The following SEMA5A variants were observed in gnomAD, a reference collection of about 807,000 sequenced individuals.
The protein encoded by SEMA5A is semaphorin 5A.
A neutral mutation model predicts 135.5 loss-of-function variants in SEMA5A; 55 were observed. The observed-to-expected ratio is 0.41, with a 90% confidence interval of 0.33 to 0.51. The LOEUF is 0.51. Ranked by LOEUF, SEMA5A falls within the 20% of genes least tolerant of loss-of-function variation. The pLI is 0.37. For missense variants in SEMA5A, 1,290 were observed against 1,419.9 expected, an observed-to-expected ratio of 0.91 and a Z score of 1.47; for synonymous variants, 580 against 546.5, an observed-to-expected ratio of 1.06 and a Z score of -0.85.
At chr5:9,341,763 G>T (rs1579376516) in intron 3 of SEMA5A, among the ~76,000 whole-genome samples, 1 of 149,960 alleles carries the variant, frequency 6.7e-6, no homozygotes, top group Non-Finnish European at 1.5e-5. Flanking sequence ...AATATTTGAG[G>T]TTAACTATCC....
chr5:9,066,759 C>T (rs1028480611), intron 16 of SEMA5A, 113 bp from the exon 17 acceptor site: 6 of 809,660 alleles, frequency 7.4e-6, no homozygotes, highest in Admixed American at 2.3e-5. Flanking sequence ...GCTCCTAAGA[C>T]ACTCACAGCT....
chr5:9,475,846 C>T (rs1014821468), intron 1 of SEMA5A, among the ~76,000 whole-genome samples: 3 of 152,198 alleles, frequency 2.0e-5, no homozygotes, highest in Non-Finnish European at 2.9e-5. Flanking sequence ...TTTAAACTAA[C>T]ATATGGCAGT....
chr5:9,080,890 C>T (rs1484942890), intron 16 of SEMA5A, among the ~76,000 whole-genome samples: 3 of 152,168 alleles, frequency 2.0e-5, no homozygotes, highest in Non-Finnish European at 4.4e-5. Context: ...GAGATTCCCA[C>T]CACCTGGGTG....
chr5:9,424,191 T>C (rs1257597901), intron 2 of SEMA5A, among the ~76,000 whole-genome samples: 1 of 152,036 alleles, frequency 6.6e-6, no homozygotes, highest in African/African-American at 2.4e-5. Context: ...AAAGGCAAAA[T>C]AAGTGCTGAA....
intron 5 of SEMA5A, among the ~76,000 whole-genome samples, chr5:9,243,779 T>C (rs40658): frequency 0.22 from 32,793 of 152,058 alleles, 4,059 homozygotes; most frequent in African/African-American, 0.34. Context: ...AGCCCCAGGA[T>C]TGGCACTTTA....
chr5:9,352,102 T>TG (rs5865826), intron 3 of SEMA5A, among the ~76,000 whole-genome samples: 3 of 141,010 alleles, frequency 2.1e-5, no homozygotes, highest in Non-Finnish European at 3.1e-5. Context: ...GTCGGGGGGG[T>TG]TACTTAAGAG....
Position 9,041,391 on chromosome 5 carries a change from ATCAGATGAACTTTT to A in SEMA5A, c.*1492_*1505del, listed in dbSNP as rs2150019980. The A allele has an allele frequency of 6.6e-6, 1 of 152,346 alleles. No homozygotes were observed. The highest frequency in any genetic ancestry group is 6.5e-5 in the Admixed American group (1 of 15,302). 9.4% of individuals were successfully genotyped at this position (152,346 alleles called of 1,614,324 possible). A position where few individuals can be genotyped will look rare whatever the true frequency, so the allele number is the denominator to read the frequency against. ...AGGACTTTATCACATGCTCAGAGGC[ATCAGATGAACTTTT>A]TCAGTCGTGTTCTTTTTTTCAATAA... On this transcript the variant is annotated 3_prime_UTR_variant, in exon 23 of 23. Coordinates refer to ENST00000382496, the MANE Select transcript of SEMA5A (RefSeq NM_003966.3).
chr5:9,154,457 C>A, intron 12 of SEMA5A, 31 bp downstream of exon 12: 1 of 1,606,796 alleles, frequency 6.2e-7, no homozygotes, highest in Non-Finnish European at 8.5e-7. Context: ...CACACACACA[C>A]CAGTGCATCC....
chr5:9,274,262 G>C (rs1304053102), intron 5 of SEMA5A, among the ~76,000 whole-genome samples: 1 of 152,106 alleles, frequency 6.6e-6, no homozygotes, highest in Admixed American at 6.5e-5. Flanking sequence ...TAATAGTAAA[G>C]GGATCAATGC....
chr5:9,313,646 A>G (rs777778704), intron 5 of SEMA5A, among the ~76,000 whole-genome samples: 12 of 152,206 alleles, frequency 7.9e-5, no homozygotes, highest in Non-Finnish European at 1.0e-4. Context: ...ACATGAAACA[A>G]TAAGTACTAG....
chr5:9,415,465 T>C (rs1757252172), intron 2 of SEMA5A, among the ~76,000 whole-genome samples: 1 of 152,168 alleles, frequency 6.6e-6, no homozygotes, highest in Non-Finnish European at 1.5e-5. Flanking sequence ...GCATAAATAA[T>C]TATCAAAGAA....
intron 1 of SEMA5A, among the ~76,000 whole-genome samples, chr5:9,502,810 G>C (rs1001832796): frequency 1.3e-5 from 2 of 152,188 alleles, no homozygotes; most frequent in Non-Finnish European, 2.9e-5. Flanking sequence ...TTCCCAAAGG[G>C]TTCTAATTGG....
chr5:9,118,611 C>T (rs1351908262), intron 15 of SEMA5A, among the ~76,000 whole-genome samples: 1 of 152,106 alleles, frequency 6.6e-6, no homozygotes, highest in Non-Finnish European at 1.5e-5. Context: ...GTGTCTGCAT[C>T]CGGGACCTTC....
chr5:9,531,111 T>C (rs1737408089), intron 1 of SEMA5A, among the ~76,000 whole-genome samples: 1 of 152,118 alleles, frequency 6.6e-6, no homozygotes, highest in South Asian at 2.1e-4. Context: ...CCAGGAAGCA[T>C]CTTGCGTGGG....
At chr5:9,194,356 A>ATTCTGCT (rs1745277235) in intron 10 of SEMA5A, among the ~76,000 whole-genome samples, 1 of 152,196 alleles carries the variant, frequency 6.6e-6, no homozygotes, top group African/African-American at 2.4e-5. Context: ...CCTGAATCCA[A>ATTCTGCT]TTCTGCTTTC....
intron 2 of SEMA5A, among the ~76,000 whole-genome samples, chr5:9,399,333 G>A (rs1354513030): frequency 6.6e-6 from 1 of 152,104 alleles, no homozygotes; most frequent in Non-Finnish European, 1.5e-5. Flanking sequence ...TATAAGCCTT[G>A]AAAACATGAT....
intron 1 of SEMA5A, among the ~76,000 whole-genome samples, chr5:9,492,497 ACT>A (rs1735071752): frequency 6.6e-6 from 1 of 152,148 alleles, no homozygotes; most frequent in South Asian, 2.1e-4. Context: ...TGCATGCTGC[ACT>A]CTGAGCAAGA....
At chr5:9,522,414 C>T (rs892776627) in intron 1 of SEMA5A, among the ~76,000 whole-genome samples, 3 of 152,088 alleles carry the variant, frequency 2.0e-5, no homozygotes, top group Non-Finnish European at 2.9e-5. Flanking sequence ...GAAACCCTGT[C>T]TCTACTAAAA....
intron 16 of SEMA5A, among the ~76,000 whole-genome samples, chr5:9,105,876 T>A (rs1020044351): frequency 2.0e-5 from 3 of 152,222 alleles, no homozygotes; most frequent in African/African-American, 7.2e-5. Flanking sequence ...AGACCAAAAA[T>A]GTTGCTTTAG....
Sources: allele counts gnomAD v4.1 joint callset (sites outside exome capture counted in the v4.1 genomes callset), GRCh38; gene constraint gnomAD v4.1.1; transcripts MANE v1.5; gene names NCBI Gene and HGNC (gene_info 2026-07-23, HGNC 2026-07-21).